BAIAP2: variants seen among roughly 807,000 people sequenced by gnomAD.
BAIAP2 encodes the protein BAR/IMD domain containing adaptor protein 2.
In BAIAP2, 18 loss-of-function variants were observed where a neutral mutation model predicts 63.0. That is an observed-to-expected ratio of 0.29 (90% CI 0.20 to 0.42). The LOEUF (loss-of-function observed/expected upper bound fraction) is 0.42, where lower values mean the gene tolerates loss of function less well. Ranked by LOEUF, BAIAP2 falls within the 10% of genes least tolerant of loss-of-function variation. The pLI is 1.00. For synonymous variants in BAIAP2, 386 were observed against 307.6 expected, an observed-to-expected ratio of 1.25 and a Z score of -2.67; for missense variants, 610 against 734.3, an observed-to-expected ratio of 0.83 and a Z score of 1.96.
In BAIAP2 at chr17:81,085,745, G is replaced by A; in HGVS notation, c.351+20G>A. ...CTGAGTGTAAGTGCACCCTGGCCGT[G>A]CCTGCTGGGCCCTGTGCCTGGGCTC... On this transcript the variant is annotated intron_variant, in intron 5 of 13. Transcript: ENST00000428708. 2 of 1,604,068 alleles carry A rather than the reference G, an allele frequency of 1.2e-6. No individual in the cohort carries two copies. The highest frequency in any genetic ancestry group is 1.7e-6 in the Non-Finnish European group (2 of 1,172,684).
chr17:81,115,716 C>CAATTCACCCATGGCTTCCGCCCTAAA (rs2060478813), intron 13 of BAIAP2, 54 bp from the exon 14 acceptor site: 1 of 1,609,020 alleles, frequency 6.2e-7, no homozygotes, highest in African/African-American at 1.3e-5. Flanking sequence ...CCAGGTGGCA[C>CAATTCACCCATGGCTTCCGCCCTAAA]AATTCACCCA....
At chr17:81,098,614 G>A (rs922362201) in intron 6 of BAIAP2, among the ~76,000 whole-genome samples, 11 of 152,150 alleles carry the variant, frequency 7.2e-5, no homozygotes, top group African/African-American at 9.7e-5. Flanking sequence ...GTTCAGAATC[G>A]GTAGCTGGAT....
At chr17:81,105,166 C>T (rs1433991077) in intron 10 of BAIAP2, 7 of 101,742 alleles carry the variant, frequency 6.9e-5, no homozygotes, top group African/African-American at 2.1e-4. Flanking sequence ...GGTCTCCCCC[C>T]AATGGCAGGG....
chr17:81,091,025 G>A (rs1285518623), intron 6 of BAIAP2, among the ~76,000 whole-genome samples: 1 of 143,334 alleles, frequency 7.0e-6, no homozygotes, highest in Non-Finnish European at 1.5e-5. Context: ...GTGCAGCCCC[G>A]CCCCTCCAGT....
In BAIAP2 at chr17:81,046,909, G is replaced by A. The variant is rs796146869; in HGVS notation, c.55-6759G>A. On this transcript the variant is annotated intron_variant, in intron 1 of 13. Transcript: ENST00000428708. The surrounding 1 kb of genome is among the most constrained non-coding windows in gnomAD (Gnocchi z 4.5). ...CATGCTGTGGCTGTGGTGGCACAGC[G>A]GGCTGGGGGAAGCCCCTCTGGCACT... Among the ~76,000 whole-genome samples, 5 of 152,216 alleles carry A rather than the reference G, an allele frequency of 3.3e-5. No individual in the cohort carries two copies. Among genetic ancestry groups the A allele is most frequent in the Non-Finnish European group, 5.9e-5 (4 of 68,032 alleles).
At position 81,115,887 on chromosome 17, in the gene BAIAP2, C is replaced by T. The variant is rs1301847154; in HGVS notation, c.*48C>T. The T allele has an allele frequency of 6.2e-7, 1 of 1,609,160 alleles. No homozygotes were observed. Among genetic ancestry groups the T allele is most frequent in the East Asian group, 2.2e-5 (1 of 44,794 alleles). The stretch of plus-strand genomic sequence containing the variant: ...CATCTGGTGGCTTCCCCCGCCCTTC[C>T]CATGTAGCCTGTTCTGTCATCATCT... On this transcript the variant is annotated 3_prime_UTR_variant, in exon 14 of 14. Transcript: ENST00000428708.
At chr17:81,109,355 A>C in intron 13 of BAIAP2, 5 of 1,020,782 alleles carry the variant, frequency 4.9e-6, no homozygotes, top group Non-Finnish European at 5.9e-6. Context: ...CTAAAGTTTG[A>C]AGAAAAAGAA....
At chr17:81,044,364 A>AG (rs1009573440) in intron 1 of BAIAP2, among the ~76,000 whole-genome samples, 1 of 152,136 alleles carries the variant, frequency 6.6e-6, no homozygotes, top group African/African-American at 2.4e-5. Context: ...TCCACGTTGG[A>AG]GGGGGACCAA....
In BAIAP2 at chr17:81,106,746, C is replaced by T. The variant is rs147016372; in HGVS notation, c.1339C>T (p.Leu447=). 2.5e-6 allele frequency: 4 copies of T among 1,612,504 alleles called. No homozygotes were observed. The highest frequency in any genetic ancestry group is 2.2e-5 in the South Asian group (2 of 91,086). ...GCCTCTGAGTCCCTGTCCCTACAGC[C>T]TGCAGCAAGGGAAGAGCAGCAGCAC... ...SDGSDRLHMS[L]QQGKSSSTGN... is the part of the protein sequence containing the mutation. Residue 447 remains leucine (L), a splice_region_variant and synonymous_variant, in exon 12 of 14, where the codon CTG becomes TTG. Coordinates refer to ENST00000428708, the MANE Select transcript of BAIAP2 (RefSeq NM_001144888.2).
At chr17:81,084,115 C>G (rs535781118) in intron 3 of BAIAP2, among the ~76,000 whole-genome samples, 2 of 152,208 alleles carry the variant, frequency 1.3e-5, no homozygotes, top group Non-Finnish European at 2.9e-5. Context: ...ATTTTGCACA[C>G]GGGCCGAGGA....
chr17:81,109,214 A>T (rs1598833181), intron 13 of BAIAP2: 2 of 1,390,402 alleles, frequency 1.4e-6, no homozygotes, highest in Non-Finnish European at 1.9e-6. Context: ...TACGCGCCCC[A>T]TCCTGTGTGT....
chr17:81,083,666 A>C (rs560156703), intron 3 of BAIAP2: 1 of 152,282 alleles, frequency 6.6e-6, no homozygotes, highest in Admixed American at 6.5e-5. Context: ...TGGGTCCTGG[A>C]ACCCAGGCTG....
intron 6 of BAIAP2, among the ~76,000 whole-genome samples, chr17:81,091,958 AGCTCCACGG>A (rs1187449249): frequency 6.6e-6 from 1 of 152,240 alleles, no homozygotes; most frequent in Non-Finnish European, 1.5e-5. Flanking sequence ...CTGTTCAGGC[AGCTCCACGG>A]GCTGGACGGG....
At chr17:81,101,115 T>C (rs1462455620) in intron 7 of BAIAP2, among the ~76,000 whole-genome samples, 2 of 152,050 alleles carry the variant, frequency 1.3e-5, no homozygotes, top group Admixed American at 6.5e-5. Flanking sequence ...CGGCCCTGTG[T>C]CTCCCGCTAG....
intron 3 of BAIAP2, among the ~76,000 whole-genome samples, chr17:81,073,190 T>C (rs1684175916): frequency 6.6e-6 from 1 of 152,106 alleles, no homozygotes; most frequent in Admixed American, 6.5e-5. Flanking sequence ...GCACCCCTGC[T>C]CCTCAGAGAT....
chr17:81,106,837 C>T lies in BAIAP2; in HGVS notation c.1430C>T (p.Ala477Val), dbSNP rs2059240407. 6.2e-7 allele frequency: 1 copy of T among 1,610,420 alleles called. No homozygotes were observed. Reference sequence around the variant, plus strand: ...CCCGATTACGGCGCCGCCTCCCGGGCCTTCCCCGCCCAGACGGCCAGCGGC... The same window carrying T: ...CCCGATTACGGCGCCGCCTCCCGGGTCTTCCCCGCCCAGACGGCCAGCGGC... Reference protein sequence around the residue: ...PPPDYGAASRAFPAQTASGFK... With the variant: ...PPPDYGAASRVFPAQTASGFK... Residue 477 changes from alanine (A) to valine (V), a missense_variant, in exon 12 of 14, where the codon GCC becomes GTC. Physicochemically the swap from Ala to Val is moderately conservative, Grantham distance 64 (BLOSUM62 0). Coordinates refer to ENST00000428708, the MANE Select transcript of BAIAP2 (RefSeq NM_001144888.2).
intron 11 of BAIAP2, 40 bp downstream of exon 11, chr17:81,106,186 C>T (rs1444828749): frequency 2.9e-5 from 45 of 1,544,756 alleles, no homozygotes; most frequent in Non-Finnish European, 3.7e-5. Context: ...ATCCCCAGCT[C>T]GGGAGAGGGG....
chr17:81,047,358 G>C (rs976301416), intron 1 of BAIAP2, among the ~76,000 whole-genome samples: 2 of 152,190 alleles, frequency 1.3e-5, no homozygotes, highest in African/African-American at 4.8e-5. Flanking sequence ...GGAGGGGCTG[G>C]GTGAGGATTA....
chr17:81,056,406 C>T (rs1478989658), intron 2 of BAIAP2: 1 of 152,228 alleles, frequency 6.6e-6, no homozygotes, highest in Non-Finnish European at 1.5e-5. Flanking sequence ...TTTCCAGAGC[C>T]ACTCGTCTGT....
Sources: gnomAD v4.1 joint callset for allele counts (sites outside exome capture counted in the v4.1 genomes callset) on GRCh38, gnomAD v4.1.1 for gene constraint, Gnocchi (gnomAD v3.1) non-coding constraint, MANE v1.5 for transcripts, NCBI Gene and HGNC (gene_info 2026-07-23, HGNC 2026-07-21) for gene names.